Variants in CFAP46 observed in about 807,000 individuals in gnomAD.
CFAP46 encodes the protein cilia- and flagella-associated protein 46.
Under a neutral mutation model 325.7 loss-of-function variants are expected in CFAP46, and 245 were observed. That is an observed-to-expected ratio of 0.75 (90% CI 0.68 to 0.84). The LOEUF (loss-of-function observed/expected upper bound fraction) is 0.84. Ranked by LOEUF, CFAP46 falls within the 40% of genes least tolerant of loss-of-function variation. The pLI is 0.00. For synonymous variants in CFAP46, 1,523 were observed against 1,495.9 expected (o/e 1.02, Z -0.42); for missense variants, 3,346 against 3,543.0 (o/e 0.94, Z 1.41).
chr10:132,844,855 T>A (rs1478619664), intron 44 of CFAP46, among the ~76,000 whole-genome samples: 1 of 151,822 alleles, frequency 6.6e-6, no homozygotes, highest in Non-Finnish European at 1.5e-5. Flanking sequence ...GCAGCCCAAT[T>A]TTTTTGAGAT....
chr10:132,858,763 G>A (rs1848683683), intron 38 of CFAP46, among the ~76,000 whole-genome samples: 1 of 152,286 alleles, frequency 6.6e-6, no homozygotes, highest in South Asian at 2.1e-4. Flanking sequence ...ATGTCTGTGC[G>A]TGTCTGCCAA....
intron 16 of CFAP46, among the ~76,000 whole-genome samples, chr10:132,917,172 C>T (rs1482871563): frequency 6.6e-6 from 1 of 152,262 alleles, no homozygotes; most frequent in Non-Finnish European, 1.5e-5. Flanking sequence ...CTCACCCTGA[C>T]CCCAGCTGAG....
chr10:132,887,636 T>C (rs1272720756), intron 25 of CFAP46, among the ~76,000 whole-genome samples: 2 of 52,736 alleles, frequency 3.8e-5, no homozygotes, highest in African/African-American at 1.4e-4. Flanking sequence ...CTCCTCTCCC[T>C]TCTTCTCTCT....
In CFAP46 at chr10:132,935,366, C is replaced by A. The variant is rs565457346; in HGVS notation, c.756-504G>T. ...ACTGTGATCTCCTCACTCCCCTTGG[C>A]ACCCAAACACACTGTGATCTCCTCA... On this transcript the variant is annotated intron_variant, in intron 7 of 57. Transcript: ENST00000368586. Among the ~76,000 whole-genome samples, 26 of 143,324 alleles carry A rather than the reference C, an allele frequency of 1.8e-4. 1 individual carries two copies. The highest frequency in any genetic ancestry group is 7.1e-4 in the African/African-American group (26 of 36,488). 94.0% of individuals were successfully genotyped at this position (143,324 alleles called of 152,430 possible).
In CFAP46 at chr10:132,869,492, T is replaced by G. The variant is rs1848866378; in HGVS notation, c.4512-120A>C. The G allele has an allele frequency of 1.6e-6, 1 of 610,706 alleles. No individual in the cohort carries two copies. Among genetic ancestry groups the G allele is most frequent in the Non-Finnish European group, 2.6e-6 (1 of 388,994 alleles). The allele number at this position is 610,706 out of a possible 1,614,324, so 37.8% of individuals were successfully genotyped here. A position where few individuals can be genotyped will look rare whatever the true frequency, so the allele number is the denominator to read the frequency against. On this transcript the variant is annotated intron_variant, in intron 32 of 57. Transcript: ENST00000368586. This position sits in a 1 kb window ranked among gnomAD's most constrained non-coding sequence, Gnocchi z 6.2. The stretch of plus-strand genomic sequence containing the variant: ...AACACATCGAGGCACACTTGGATGG[T>G]ATTTTCAATCATTTTTAAAGGTAAG...
Position 132,846,200 on chromosome 10 carries a change from C to T in CFAP46, c.6295G>A (p.Asp2099Asn), listed in dbSNP as rs968536537. The change falls in exon 44 of 58, where the codon GAT (aspartate) becomes AAT (asparagine). Residue 2099 changes from aspartate (D) to asparagine (N), a missense_variant. Coordinates refer to ENST00000368586, the MANE Select transcript of CFAP46 (RefSeq NM_001200049.3). Reference protein sequence around the residue: ...QSCSASETMRDVLLAATANTS... With the variant: ...QSCSASETMRNVLLAATANTS... The stretch of plus-strand genomic sequence containing the variant: ...TTGGCTGTGGCTGCAAGCAGGACAT[C>T]CCTCATCGTCTCTGAGGCCGAGCAG... 1.2e-6 allele frequency: 2 copies of T among 1,612,036 alleles called. No homozygotes were observed. Among genetic ancestry groups the T allele is most frequent in the Non-Finnish European group, 1.7e-6 (2 of 1,179,660 alleles).
At chr10:132,937,800 C>A in intron 5 of CFAP46, 125 bp from the exon 6 acceptor site, 14 of 1,332,804 alleles carry the variant, frequency 1.1e-5, no homozygotes, top group Non-Finnish European at 1.0e-5. Flanking sequence ...CTGGGGTCAG[C>A]TTCTTCAGCC....
At chr10:132,882,051 G>T (rs1171519072) in intron 27 of CFAP46, among the ~76,000 whole-genome samples, 1 of 149,552 alleles carries the variant, frequency 6.7e-6, no homozygotes, top group Non-Finnish European at 1.5e-5. Flanking sequence ...GATGTGGGGG[G>T]TGTGTGGTGC....
At chr10:132,836,745 C>A in intron 45 of CFAP46, 72 bp downstream of exon 45, 1 of 1,321,150 alleles carries the variant, frequency 7.6e-7, no homozygotes, top group Non-Finnish European at 1.1e-6. Context: ...GGGCAGCCCA[C>A]GGCTGGGTCT....
chr10:132,916,217 C>T (rs562566455), intron 17 of CFAP46, among the ~76,000 whole-genome samples: 22 of 152,328 alleles, frequency 1.4e-4, no homozygotes, highest in African/African-American at 4.8e-4. Flanking sequence ...CTAGCAGCTG[C>T]CTTTCACGCA....
At chr10:132,913,335 C>A in intron 17 of CFAP46, 77 bp from the exon 18 acceptor site, 1 of 636,934 alleles carries the variant, frequency 1.6e-6, no homozygotes, top group Non-Finnish European at 2.5e-6. Context: ...GCTGCGGGGC[C>A]TGTTAGGAAC....
At chr10:132,915,595 G>A (rs553506262) in intron 17 of CFAP46, among the ~76,000 whole-genome samples, 61 of 152,070 alleles carry the variant, frequency 4.0e-4, no homozygotes, top group African/African-American at 1.4e-3. Flanking sequence ...GGTGAGGGCG[G>A]GGCGCCGTGC....
Position 132,847,999 on chromosome 10 carries a change from G to A in CFAP46, c.5953-678C>T, listed in dbSNP as rs1044095669. Among the ~76,000 whole-genome samples, 2 of 152,120 alleles carry A rather than the reference G, an allele frequency of 1.3e-5. No individual in the cohort carries two copies. Among genetic ancestry groups the A allele is most frequent in the South Asian group, 2.1e-4 (1 of 4,822 alleles). Reference sequence around the variant, plus strand: ...GCAGCCGTGGCCACCTGACACGCACGGCTGCCTGACATGCACGGAGCCTGG... The same window carrying A: ...GCAGCCGTGGCCACCTGACACGCACAGCTGCCTGACATGCACGGAGCCTGG... On this transcript the variant is annotated intron_variant, in intron 41 of 57. Transcript: ENST00000368586. This position sits in a 1 kb window ranked among gnomAD's most constrained non-coding sequence, Gnocchi z 5.2.
intron 50 of CFAP46, among the ~76,000 whole-genome samples, chr10:132,823,405 GTGC>G (rs1847936056): frequency 7.3e-6 from 1 of 136,126 alleles, no homozygotes; most frequent in Non-Finnish European, 1.6e-5. Context: ...TGCTGTGTGT[GTGC>G]TGTGTGCTGT....
At chr10:132,902,292 C>T (rs4132836) in intron 22 of CFAP46, among the ~76,000 whole-genome samples, 41,286 of 151,716 alleles carry the variant, frequency 0.27, 6,681 homozygotes, top group Admixed American at 0.45. Flanking sequence ...CTCTGTGGCC[C>T]CACGGGTCAC....
Position 132,869,236 on chromosome 10 carries a change from C to A in CFAP46, c.4610+38G>T. The A allele has an allele frequency of 1.3e-6, 2 of 1,485,852 alleles. No homozygotes were observed. The highest frequency in any genetic ancestry group is 1.8e-6 in the Non-Finnish European group (2 of 1,108,626). 92.0% of individuals were successfully genotyped at this position (1,485,852 alleles called of 1,614,324 possible). A position where few individuals can be genotyped will look rare whatever the true frequency, so the allele number is the denominator to read the frequency against. On this transcript the variant is annotated intron_variant, in intron 33 of 57. Coordinates refer to ENST00000368586, the MANE Select transcript of CFAP46 (RefSeq NM_001200049.3). The surrounding 1 kb of genome is among the most constrained non-coding windows in gnomAD (Gnocchi z 6.2). ...TCACCTGGCCGCACCAAGGGCGAGA[C>A]TCAAACCCCAGGCGGCGCAGGGTGG...
intron 11 of CFAP46, among the ~76,000 whole-genome samples, chr10:132,923,855 A>G (rs922170567): frequency 6.6e-6 from 1 of 152,202 alleles, no homozygotes; most frequent in Non-Finnish European, 1.5e-5. Flanking sequence ...TTAGCCCCAG[A>G]GAAATCTTCC....
chr10:132,937,420 T>G, intron 6 of CFAP46, 132 bp downstream of exon 6: 1 of 991,230 alleles, frequency 1.0e-6, no homozygotes, highest in Non-Finnish European at 1.5e-6. Context: ...GCTTATGTAA[T>G]TTTGTTCATG....
intron 21 of CFAP46, 72 bp from the exon 22 acceptor site, chr10:132,908,706 G>T: frequency 6.9e-7 from 1 of 1,449,222 alleles, no homozygotes; most frequent in Non-Finnish European, 9.1e-7. Flanking sequence ...CAGCCCCCAC[G>T]GACCACGCAG....
Sources: allele counts gnomAD v4.1 joint callset (sites outside exome capture counted in the v4.1 genomes callset), GRCh38; gene constraint gnomAD v4.1.1; non-coding constraint Gnocchi (gnomAD v3.1); transcripts MANE v1.5; gene names NCBI Gene and HGNC (gene_info 2026-07-23, HGNC 2026-07-21).